UPP2: variants seen among roughly 807,000 people sequenced by gnomAD.
The protein encoded by UPP2 is uridine phosphorylase 2.
In UPP2, 23 loss-of-function variants were observed where a neutral mutation model predicts 26.7. The ratio of observed to expected loss-of-function variants is 0.86; its 90% CI spans 0.62 to 1.22. The LOEUF is 1.22. Ranked by LOEUF, UPP2 falls within the 50% of genes most tolerant of loss-of-function variation. The pLI, the probability that UPP2 is intolerant of heterozygous loss-of-function variation, is 0.00. For synonymous variants in UPP2, 127 were observed against 141.3 expected, an observed-to-expected ratio of 0.90 and a Z score of 0.72; for missense variants, 387 against 396.7, an observed-to-expected ratio of 0.98 and a Z score of 0.21.
chr2:158,065,400 ATTG>A, intron 3 of UPP2: 1 of 238,964 alleles, frequency 4.2e-6, no homozygotes, highest in Admixed American at 5.6e-5. Flanking sequence ...CATTTCATTT[ATTG>A]TTACTTACAA....
At position 158,059,085 on chromosome 2, in the gene UPP2, T is replaced by C. The variant is rs375627583; in HGVS notation, c.148-42955T>C. Among the ~76,000 whole-genome samples the C allele has an allele frequency of 8.4e-4, 128 of 152,286 alleles. 3 individuals carry two copies. In the South Asian group the frequency reaches 0.025, roughly 30 times the overall value. On this transcript the variant is annotated intron_variant, in intron 3 of 9. Coordinates refer to the UPP2 transcript ENST00000605860. ...TAGCTAAGCTACTGATTCTCAGCCA[T>C]TGAGGAGGTCTTCAAGAAGTGATTA... is the stretch of plus-strand genomic sequence containing the variant.
chr2:158,084,856 C>T (rs113668811), intron 3 of UPP2, among the ~76,000 whole-genome samples: 2 of 152,078 alleles, frequency 1.3e-5, no homozygotes, highest in African/African-American at 4.8e-5. Context: ...GGTCTGTATG[C>T]CTATTTTTAT....
rs546777095 is a variant in UPP2, at chr2:158,042,323, G to A, written c.147+26437G>A. 9.2e-5 allele frequency among the ~76,000 whole-genome samples: 14 copies of A among 152,146 alleles called. No homozygotes were observed. The East Asian group carries it at 1.9e-3, about 21-fold the overall frequency. On this transcript the variant is annotated intron_variant, in intron 3 of 9. Transcript: ENST00000605860. Reference sequence around the variant, plus strand: ...AGGCCAGGGAAGAACAACCCCCCTCGCTTTTTTTCCTGAGCATCTCCCATA... The same window carrying A: ...AGGCCAGGGAAGAACAACCCCCCTCACTTTTTTTCCTGAGCATCTCCCATA...
chr2:158,015,878 T>C (rs1382854195), exon 3 of UPP2: 1 of 448,938 alleles, frequency 2.2e-6, no homozygotes, highest in East Asian at 7.0e-5. Flanking sequence ...CTGTACAGCC[T>C]GTGGAACTGT....
chr2:158,080,879 G>C (rs770828883), intron 3 of UPP2, among the ~76,000 whole-genome samples: 14 of 152,294 alleles, frequency 9.2e-5, no homozygotes, highest in Middle Eastern at 3.4e-3. Flanking sequence ...GCTCTGGAGA[G>C]AGGAGAGGAA....
In UPP2 at chr2:158,115,225, G is replaced by T; in HGVS notation, c.305G>T (p.Cys102Phe). 6.2e-7 allele frequency: 1 copy of T among 1,612,700 alleles called. No individual in the cohort carries two copies. The highest frequency in any genetic ancestry group is 8.5e-7 in the Non-Finnish European group (1 of 1,179,340). ...KDICAGTDRY[C>F]MYKTGPVLAI... The stretch of plus-strand genomic sequence containing the variant: ...ATCTGTGCTGGGACAGACAGATACT[G>T]TATGTACAAAACCGGGCCTGTGCTC... The change falls in exon 3 of 7, where the codon TGT (cysteine) becomes TTT (phenylalanine). Residue 102 changes from cysteine (C) to phenylalanine (F), a missense_variant. By Grantham distance (205) the Cys-to-Phe change is radical (BLOSUM62 -2). Coordinates refer to ENST00000005756, the MANE Select transcript of UPP2 (RefSeq NM_173355.4).
chr2:158,132,919 TGATGGGAATGTAAA>T (rs1683850100), intron 6 of UPP2, among the ~76,000 whole-genome samples: 1 of 152,202 alleles, frequency 6.6e-6, no homozygotes, highest in Admixed American at 6.5e-5. Context: ...TGAATACTGT[TGATGGGAATGTAAA>T]TTAGTACATC....
chr2:158,057,872 C>A (rs1682273363), intron 3 of UPP2, among the ~76,000 whole-genome samples: 4 of 151,926 alleles, frequency 2.6e-5, no homozygotes, highest in Admixed American at 2.6e-4. Flanking sequence ...CTCCTGAAAT[C>A]CACAGTGTTG....
chr2:158,068,931 C>T (rs2105185334), intron 3 of UPP2, among the ~76,000 whole-genome samples: 1 of 146,872 alleles, frequency 6.8e-6, no homozygotes, highest in Admixed American at 6.8e-5. Context: ...CATTCTCCTG[C>T]CTCAGCCTCC....
chr2:158,094,692 C>A (rs1433932922), intron 3 of UPP2, among the ~76,000 whole-genome samples: 1 of 152,146 alleles, frequency 6.6e-6, no homozygotes, highest in African/African-American at 2.4e-5. Context: ...AATTTCATGA[C>A]TTTGGGGGCC....
chr2:158,117,799 G>A, intron 3 of UPP2, 25 bp from the exon 4 acceptor site: 3 of 1,551,228 alleles, frequency 1.9e-6, no homozygotes, highest in Non-Finnish European at 2.7e-6. Flanking sequence ...CAAGATGTAT[G>A]ATGACTTTCT....
chr2:158,065,885 T>C, intron 3 of UPP2: 1 of 632,258 alleles, frequency 1.6e-6, no homozygotes, highest in South Asian at 1.6e-5. Flanking sequence ...CTCCAGTACT[T>C]GTTGCCCTAG....
At position 158,021,272 on chromosome 2, in the gene UPP2, C is replaced by A. The variant is rs370402995; in HGVS notation, c.147+5386C>A. On this transcript the variant is annotated intron_variant, in intron 3 of 9. Transcript: ENST00000605860. ...CTAATTTTTAAAAGAAATGTTCTGACTTTTAACTGTTAACATGAAGTCTTT... is the reference window on the plus strand; with the variant it reads ...CTAATTTTTAAAAGAAATGTTCTGAATTTTAACTGTTAACATGAAGTCTTT... Among the ~76,000 whole-genome samples the A allele has an allele frequency of 7.2e-4, 110 of 152,304 alleles. 1 individual carries two copies. In the South Asian group the frequency reaches 0.021, roughly 29 times the overall value.
At chr2:158,007,328 G>A (rs985301991) in intron 2 of UPP2, among the ~76,000 whole-genome samples, 5 of 152,136 alleles carry the variant, frequency 3.3e-5, no homozygotes, top group East Asian at 1.9e-4. Context: ...TCAGGTTTTC[G>A]TGACTTCCAA....
chr2:158,132,960 A>G (rs898882761), intron 6 of UPP2, among the ~76,000 whole-genome samples: 5 of 152,212 alleles, frequency 3.3e-5, no homozygotes, highest in African/African-American at 9.6e-5. Context: ...GAAAAACAGT[A>G]TGGTGGTTCT....
rs923046875 is a variant in UPP2 at position 158,037,340 on chromosome 2, A to C, written c.147+21454A>C. The stretch of plus-strand genomic sequence containing the variant: ...CAGTGAGCCGAGATTGTGCCATTGC[A>C]CTCCAGCCTGGGCAACAGGCTGGAG... On this transcript the variant is annotated intron_variant, in intron 3 of 9. Transcript: ENST00000605860. Among the ~76,000 whole-genome samples the C allele has an allele frequency of 5.3e-5, 8 of 151,944 alleles. 2 individuals are homozygous for C. In the South Asian group the frequency reaches 1.2e-3, roughly 24 times the overall value.
upstream of UPP2, among the ~76,000 whole-genome samples, chr2:158,097,134 C>T (rs536437578): frequency 7.2e-5 from 11 of 152,140 alleles, no homozygotes; most frequent in Non-Finnish European, 1.3e-4. Flanking sequence ...TACTCATCTT[C>T]GAGCATTAAC....
chr2:158,123,806 A>C lies in UPP2; in HGVS notation c.722A>C (p.Tyr241Ser). Reference protein sequence around the residue: ...CSFSREKKLDYLKRAFKAGVR... With the variant: ...CSFSREKKLDSLKRAFKAGVR... ...TTTTCCAGAGAAAAAAAGTTAGACT[A>C]CTTGAAGAGAGCATTTAAAGCTGGT... Residue 241 changes from tyrosine (Y) to serine (S), a missense_variant, in exon 6 of 7, where the codon TAC becomes TCC. Transcript: ENST00000005756. 6.2e-7 allele frequency: 1 copy of C among 1,614,090 alleles called. No homozygotes were observed. The highest frequency in any genetic ancestry group is 8.5e-7 in the Non-Finnish European group (1 of 1,179,942).
intron 2 of UPP2, among the ~76,000 whole-genome samples, chr2:158,012,487 C>G (rs946901013): frequency 1.1e-4 from 17 of 151,880 alleles, no homozygotes; most frequent in African/African-American, 3.6e-4. Context: ...AGGCTGGTCT[C>G]AAACTCCTGA....
Sources: allele counts gnomAD v4.1 joint callset (sites outside exome capture counted in the v4.1 genomes callset), GRCh38; gene constraint gnomAD v4.1.1; transcripts MANE v1.5; gene names NCBI Gene and HGNC (gene_info 2026-07-23, HGNC 2026-07-21).